PRKN: variants seen among roughly 807,000 people sequenced by gnomAD.
PRKN encodes parkin RBR E3 ubiquitin protein ligase.
A neutral mutation model predicts 59.5 loss-of-function variants in PRKN; 56 were observed. The observed-to-expected ratio is 0.94, with a 90% CI of 0.76 to 1.18. The LOEUF is 1.18. PRKN is among the 50% of genes most tolerant of loss of function. The pLI is 0.00. For synonymous variants in PRKN, 250 were observed against 222.1 expected (o/e 1.13, Z -1.12); for missense variants, 657 against 596.4 (o/e 1.10, Z -1.06).
chr6:161,727,380 C>T lies in PRKN; in HGVS notation c.871+58392G>A, dbSNP rs1312501727. Among the ~76,000 whole-genome samples, 13 of 152,194 alleles carry T rather than the reference C, an allele frequency of 8.5e-5. No individual in the cohort carries two copies. The East Asian group carries it at 2.5e-3, about 29-fold the overall frequency. Reference sequence around the variant, plus strand: ...AACCTTCCTCCTCTCCTGCAACTCACAGTGCAACTCAGTGATGGATCCTTC... The same window carrying T: ...AACCTTCCTCCTCTCCTGCAACTCATAGTGCAACTCAGTGATGGATCCTTC... On this transcript the variant is annotated intron_variant, in intron 7 of 11. Coordinates refer to ENST00000366898, the MANE Select transcript of PRKN (RefSeq NM_004562.3).
intron 5 of PRKN, among the ~76,000 whole-genome samples, chr6:162,051,448 C>T (rs553786361): frequency 4.9e-4 from 75 of 152,298 alleles, no homozygotes; most frequent in South Asian, 2.5e-3. Flanking sequence ...GGTACACCCT[C>T]GGGAGTGCAC....
chr6:161,775,555 G>A (rs371851367), intron 7 of PRKN, among the ~76,000 whole-genome samples: 19 of 152,194 alleles, frequency 1.2e-4, no homozygotes, highest in African/African-American at 2.9e-4. Flanking sequence ...TAGCAATTCC[G>A]TAGCAACTAA....
At chr6:161,477,618 CT>C (rs1791167286) in intron 9 of PRKN, among the ~76,000 whole-genome samples, 1 of 151,508 alleles carries the variant, frequency 6.6e-6, no homozygotes, top group African/African-American at 2.4e-5. Flanking sequence ...AGAAAATTAA[CT>C]TTGTTTGGTG....
chr6:162,669,421 T>A (rs1779235469), intron 1 of PRKN, among the ~76,000 whole-genome samples: 1 of 152,306 alleles, frequency 6.6e-6, no homozygotes, highest in Middle Eastern at 3.4e-3. Context: ...ATCTGGATGG[T>A]AAGCTAAACT....
chr6:161,658,926 T>C (rs1784449266), intron 7 of PRKN, among the ~76,000 whole-genome samples: 1 of 152,210 alleles, frequency 6.6e-6, no homozygotes, highest in Non-Finnish European at 1.5e-5. Context: ...GTCTAGAAGA[T>C]TCTGAACCTG....
At chr6:162,423,881 T>A (rs1789097788) in intron 2 of PRKN, among the ~76,000 whole-genome samples, 1 of 152,064 alleles carries the variant, frequency 6.6e-6, no homozygotes. Flanking sequence ...ATGACAAGGG[T>A]GATGCTTATG....
chr6:161,756,309 G>A (rs57640995), intron 7 of PRKN, among the ~76,000 whole-genome samples: 157 of 151,826 alleles, frequency 1.0e-3, no homozygotes, highest in Middle Eastern at 0.01. Flanking sequence ...AGGCATGGTC[G>A]TGCACACCCG....
intron 4 of PRKN, among the ~76,000 whole-genome samples, chr6:162,148,599 A>G (rs556116412): frequency 9.2e-5 from 14 of 152,160 alleles, no homozygotes; most frequent in African/African-American, 2.9e-4. Flanking sequence ...GATTGAAACA[A>G]ACAAACAAAC....
At chr6:161,441,309 C>A (rs995556231) in intron 9 of PRKN, among the ~76,000 whole-genome samples, 21 of 152,164 alleles carry the variant, frequency 1.4e-4, no homozygotes, top group Non-Finnish European at 1.5e-5. Flanking sequence ...CATCACAGTT[C>A]ACATACTTAC....
intron 1 of PRKN, among the ~76,000 whole-genome samples, chr6:162,616,012 A>G (rs1404979667): frequency 6.6e-6 from 1 of 152,226 alleles, no homozygotes; most frequent in African/African-American, 2.4e-5. Flanking sequence ...AAGTAAAACA[A>G]TTCTATACCC....
intron 7 of PRKN, among the ~76,000 whole-genome samples, chr6:161,626,780 C>A (rs1884155): frequency 1.3e-5 from 2 of 152,084 alleles, no homozygotes; most frequent in Non-Finnish European, 2.9e-5. Flanking sequence ...TCAGCAGCCA[C>A]GGCTGGCTGG....
At chr6:162,646,822 G>C (rs956614020) in intron 1 of PRKN, among the ~76,000 whole-genome samples, 1 of 152,052 alleles carries the variant, frequency 6.6e-6, no homozygotes, top group Admixed American at 6.6e-5. Context: ...TGTAACACAC[G>C]GTAAGTATTT....
intron 5 of PRKN, among the ~76,000 whole-genome samples, chr6:161,977,938 G>A (rs1340073100): frequency 6.6e-6 from 1 of 152,046 alleles, no homozygotes; most frequent in Non-Finnish European, 1.5e-5. Flanking sequence ...GAGATGAGCG[G>A]ACAAATGACA....
chr6:162,070,477 C>T (rs1289477942), intron 4 of PRKN, among the ~76,000 whole-genome samples: 9 of 152,148 alleles, frequency 5.9e-5, no homozygotes, highest in African/African-American at 1.2e-4. Context: ...TTCTTTTCAA[C>T]GTGGCTCTTT....
intron 9 of PRKN, among the ~76,000 whole-genome samples, chr6:161,478,626 T>C (rs1368152052): frequency 6.6e-6 from 1 of 152,168 alleles, no homozygotes; most frequent in Non-Finnish European, 1.5e-5. Flanking sequence ...GGGTGGATCA[T>C]GTGAGTCCAG....
intron 7 of PRKN, among the ~76,000 whole-genome samples, chr6:161,765,979 T>G (rs895045303): frequency 6.6e-6 from 1 of 152,212 alleles, no homozygotes; most frequent in African/African-American, 2.4e-5. Flanking sequence ...ACTTCTATGC[T>G]CTATTATTTT....
chr6:162,417,203 C>T (rs1788673388), intron 2 of PRKN, among the ~76,000 whole-genome samples: 1 of 152,186 alleles, frequency 6.6e-6, no homozygotes, highest in South Asian at 2.1e-4. Context: ...ACTACCTACC[C>T]ATCCTAGTAA....
At position 161,480,293 on chromosome 6, in the gene PRKN, G is replaced by GGGGGCCCTGTGAGTAT. The variant is rs549257478; in HGVS notation, c.1083+68545_1083+68560dup. Among the ~76,000 whole-genome samples the GGGGGCCCTGTGAGTAT allele has an allele frequency of 6.6e-6, 1 of 151,900 alleles. No individual in the cohort carries two copies. Among genetic ancestry groups the GGGGGCCCTGTGAGTAT allele is most frequent in the African/African-American group, 2.4e-5 (1 of 41,312 alleles). On this transcript the variant is annotated intron_variant, in intron 9 of 11. Transcript: ENST00000366898. The surrounding 1 kb of genome is among the most constrained non-coding windows in gnomAD (Gnocchi z 4.1). Reference sequence around the variant, plus strand: ...ATTAGCAGTAGAGCCTCAAACTCTGGGGGGCCCTGTGAGTATGGGGCCCTG... The same window carrying GGGGGCCCTGTGAGTAT: ...ATTAGCAGTAGAGCCTCAAACTCTGGGGGGCCCTGTGAGTATGGGGCCCTGTGAGTATGGGGCCCTG...
At chr6:161,481,455 T>G (rs1791393239) in intron 9 of PRKN, among the ~76,000 whole-genome samples, 1 of 152,028 alleles carries the variant, frequency 6.6e-6, no homozygotes, top group Non-Finnish European at 1.5e-5. Flanking sequence ...ATACAAAAAA[T>G]TAGCTGGGCA....
Sources: gnomAD v4.1 joint callset for allele counts (sites outside exome capture counted in the v4.1 genomes callset) on GRCh38, gnomAD v4.1.1 for gene constraint, Gnocchi (gnomAD v3.1) non-coding constraint, MANE v1.5 for transcripts, NCBI Gene and HGNC (gene_info 2026-07-23, HGNC 2026-07-21) for gene names.